The following GABRG3 variants were observed in gnomAD, a reference collection of about 807,000 sequenced individuals.
The protein encoded by GABRG3 is gamma-aminobutyric acid type A receptor subunit gamma3, also known as gamma-aminobutyric acid receptor subunit gamma-3.
GABRG3 carries 25 observed loss-of-function variants against 48.8 expected under a neutral mutation model. That is an observed-to-expected ratio of 0.51 (90% CI 0.37 to 0.72). The LOEUF (loss-of-function observed/expected upper bound fraction) is 0.72. GABRG3 is among the 30% of genes least tolerant of loss of function. GABRG3 has a pLI of 0.00. For missense variants in GABRG3, 394 were observed against 577.9 expected (o/e 0.68, Z 3.26); for synonymous variants, 227 against 217.6 (o/e 1.04, Z -0.38).
chr15:27,174,584 GTCTCTCTCTCTCTCTCTCTC>G (rs150022606), intron 3 of GABRG3, among the ~76,000 whole-genome samples: 1 of 139,658 alleles, frequency 7.2e-6, no homozygotes, highest in African/African-American at 2.7e-5. Flanking sequence ...TCTCTCTCTC[GTCTCTCTCTCTCTCTCTCTC>G]TCTCTCTCTC....
In GABRG3 at chr15:27,236,352, C is replaced by T. The variant is rs987658481; in HGVS notation, c.271-90457C>T. 6.6e-6 allele frequency among the ~76,000 whole-genome samples: 1 copy of T among 152,130 alleles called. No individual in the cohort carries two copies. Among genetic ancestry groups the T allele is most frequent in the Non-Finnish European group, 1.5e-5 (1 of 68,036 alleles). ...AAATAAGCATCAAATGCTAAGGTCC[C>T]CAGCCCACTGAATGGACCCCCTGAC... On this transcript the variant is annotated intron_variant, in intron 3 of 9. Coordinates refer to ENST00000615808, the MANE Select transcript of GABRG3 (RefSeq NM_033223.5). This position sits in a 1 kb window ranked among gnomAD's most constrained non-coding sequence, Gnocchi z 4.4.
chr15:27,479,126 G>GAA (rs557608942), intron 5 of GABRG3, among the ~76,000 whole-genome samples: 3 of 143,676 alleles, frequency 2.1e-5, no homozygotes, highest in East Asian at 2.0e-4. Context: ...GAGAATATGT[G>GAA]AAAAAAAAAA....
intron 3 of GABRG3, among the ~76,000 whole-genome samples, chr15:27,294,649 C>T (rs923272211): frequency 6.6e-6 from 1 of 152,146 alleles, no homozygotes; most frequent in African/African-American, 2.4e-5. Context: ...AAAGCAGATT[C>T]TCAGGCTGTA....
At chr15:27,410,359 C>CT (rs1887759314) in intron 5 of GABRG3, among the ~76,000 whole-genome samples, 1 of 151,710 alleles carries the variant, frequency 6.6e-6, no homozygotes. Context: ...TTTTTTTGTA[C>CT]TTTTTTAGTT....
intron 3 of GABRG3, among the ~76,000 whole-genome samples, chr15:27,113,260 A>G (rs559148648): frequency 6.6e-6 from 1 of 151,970 alleles, no homozygotes; most frequent in South Asian, 2.1e-4. Flanking sequence ...ATTTCCCTGT[A>G]CATTCTTTCT....
chr15:27,062,056 T>C lies in GABRG3; in HGVS notation c.270+35235T>C, dbSNP rs1245020815. The stretch of plus-strand genomic sequence containing the variant: ...ACAGAATCTCTCTCATCCACCATCA[T>C]GGGCTGCCTTCCGGGCAACTGGCGG... On this transcript the variant is annotated intron_variant, in intron 3 of 9. Coordinates refer to ENST00000615808, the MANE Select transcript of GABRG3 (RefSeq NM_033223.5). 3.3e-5 allele frequency among the ~76,000 whole-genome samples: 5 copies of C among 152,206 alleles called. No individual in the cohort carries two copies. In the East Asian group the frequency reaches 9.7e-4, roughly 29 times the overall value.
chr15:27,476,841 C>A (rs1262133097), intron 5 of GABRG3, among the ~76,000 whole-genome samples: 2 of 152,120 alleles, frequency 1.3e-5, no homozygotes, highest in East Asian at 1.9e-4. Flanking sequence ...TCCCAACGAA[C>A]TTAATGAGAT....
intron 5 of GABRG3, among the ~76,000 whole-genome samples, chr15:27,368,074 G>C (rs1204902149): frequency 6.6e-6 from 1 of 152,180 alleles, no homozygotes; most frequent in African/African-American, 2.4e-5. Context: ...GGAATGGGAC[G>C]GGAAAGCACT....
At chr15:27,381,633 C>T (rs1007823586) in intron 5 of GABRG3, among the ~76,000 whole-genome samples, 1 of 152,234 alleles carries the variant, frequency 6.6e-6, no homozygotes, top group Non-Finnish European at 1.5e-5. Flanking sequence ...AGTGATTTGC[C>T]TTGTGACCTG....
At chr15:27,482,307 G>C (rs533752622) in intron 6 of GABRG3, among the ~76,000 whole-genome samples, 1 of 152,108 alleles carries the variant, frequency 6.6e-6, no homozygotes, top group African/African-American at 2.4e-5. Flanking sequence ...TCATACGCTC[G>C]GGACGGACGC....
At chr15:27,491,732 C>T (rs1890359533) in intron 6 of GABRG3, among the ~76,000 whole-genome samples, 1 of 151,966 alleles carries the variant, frequency 6.6e-6, no homozygotes, top group African/African-American at 2.4e-5. Flanking sequence ...AAGTAATTAC[C>T]AGTAAAAAAG....
intron 3 of GABRG3, among the ~76,000 whole-genome samples, chr15:27,240,697 C>A (rs1184737428): frequency 6.6e-6 from 1 of 152,152 alleles, no homozygotes; most frequent in Admixed American, 6.5e-5. Flanking sequence ...ATACTGGATA[C>A]TTTTCAGATA....
At chr15:27,209,512 AG>A (rs1889001451) in intron 3 of GABRG3, among the ~76,000 whole-genome samples, 1 of 152,136 alleles carries the variant, frequency 6.6e-6, no homozygotes, top group Non-Finnish European at 1.5e-5. Flanking sequence ...TGTAAGAGGA[AG>A]ATGTCTCTGA....
intron 5 of GABRG3, among the ~76,000 whole-genome samples, chr15:27,423,671 G>C (rs887112638): frequency 2.8e-5 from 4 of 144,664 alleles, no homozygotes; most frequent in African/African-American, 1.0e-4. Context: ...TCAGCCTCCT[G>C]AGTAGCTGGG....
intron 3 of GABRG3, among the ~76,000 whole-genome samples, chr15:27,064,793 C>T (rs80148681): frequency 2.6e-5 from 4 of 152,088 alleles, no homozygotes; most frequent in African/African-American, 4.8e-5. Context: ...CACACCATCC[C>T]GTGTGTTAGC....
At chr15:27,129,242 C>T (rs1028253838) in intron 3 of GABRG3, among the ~76,000 whole-genome samples, 2 of 152,100 alleles carry the variant, frequency 1.3e-5, no homozygotes, top group Non-Finnish European at 2.9e-5. Context: ...CCCTGGCAAC[C>T]ACATTCTACT....
At chr15:27,432,153 T>A (rs1186054569) in intron 5 of GABRG3, among the ~76,000 whole-genome samples, 1 of 152,212 alleles carries the variant, frequency 6.6e-6, no homozygotes, top group African/African-American at 2.4e-5. Context: ...ATATGTCTGT[T>A]AGGCTAATTA....
intron 6 of GABRG3, chr15:27,482,946 C>T (rs1228035505): frequency 6.6e-6 from 1 of 152,236 alleles, no homozygotes. Flanking sequence ...CCCTAAACAG[C>T]TGCATTTATT....
intron 3 of GABRG3, among the ~76,000 whole-genome samples, chr15:27,281,921 G>T (rs547211945): frequency 6.6e-6 from 1 of 152,158 alleles, no homozygotes; most frequent in South Asian, 2.1e-4. Context: ...AAGCTGGCAA[G>T]AAATTTTCTC....
Sources: allele counts gnomAD v4.1 joint callset (sites outside exome capture counted in the v4.1 genomes callset), GRCh38; gene constraint gnomAD v4.1.1; non-coding constraint Gnocchi (gnomAD v3.1); transcripts MANE v1.5; gene names NCBI Gene and HGNC (gene_info 2026-07-23, HGNC 2026-07-21).